Variants in ITGBL1 observed in about 807,000 individuals in gnomAD.
ITGBL1 encodes the protein integrin subunit beta like 1.
Under a neutral mutation model 68.5 loss-of-function variants are expected in ITGBL1, and 51 were observed. That is an observed-to-expected ratio of 0.74 (90% CI 0.59 to 0.94). ITGBL1 has a LOEUF of 0.94. Ranked by LOEUF, ITGBL1 falls within the 40% of genes least tolerant of loss-of-function variation. ITGBL1 has a pLI of 0.00. For synonymous variants in ITGBL1, 209 were observed against 227.3 expected (o/e 0.92, Z 0.72); for missense variants, 649 against 647.4 (o/e 1.00, Z -0.03).
intron 2 of ITGBL1, among the ~76,000 whole-genome samples, chr13:101,478,930 T>C (rs1273058342): frequency 6.6e-6 from 1 of 152,072 alleles, no homozygotes; most frequent in Non-Finnish European, 1.5e-5. Context: ...AAAATACCAA[T>C]GACATTCTTC....
chr13:101,588,017 A>C (rs2050586667), intron 6 of ITGBL1, among the ~76,000 whole-genome samples: 1 of 152,230 alleles, frequency 6.6e-6, no homozygotes, highest in African/African-American at 2.4e-5. Flanking sequence ...TCTGGAATAG[A>C]TGCAACTGCA....
intron 7 of ITGBL1, among the ~76,000 whole-genome samples, chr13:101,620,551 A>G (rs1380316426): frequency 6.6e-6 from 1 of 152,146 alleles, no homozygotes; most frequent in East Asian, 1.9e-4. Context: ...CAGTATTTCT[A>G]GAAGGCATTT....
intron 2 of ITGBL1, among the ~76,000 whole-genome samples, chr13:101,462,541 C>T (rs2048331494): frequency 2.0e-5 from 3 of 152,054 alleles, no homozygotes; most frequent in African/African-American, 7.2e-5. Context: ...CCTTCTTTTC[C>T]GAGGTTATCT....
intron 6 of ITGBL1, among the ~76,000 whole-genome samples, chr13:101,589,861 G>T (rs2050621878): frequency 6.6e-6 from 1 of 152,170 alleles, no homozygotes; most frequent in South Asian, 2.1e-4. Context: ...TCATGATGTT[G>T]CATTAAGTAC....
At chr13:101,607,841 C>G (rs543814185) in intron 7 of ITGBL1, among the ~76,000 whole-genome samples, 96 of 152,100 alleles carry the variant, frequency 6.3e-4, no homozygotes, top group African/African-American at 2.0e-3. Context: ...ATCATCAAAA[C>G]GAATGATTTA....
At chr13:101,519,614 A>G (rs1028403770) in intron 2 of ITGBL1, among the ~76,000 whole-genome samples, 3 of 152,160 alleles carry the variant, frequency 2.0e-5, no homozygotes, top group Admixed American at 6.5e-5. Flanking sequence ...CTTTTTAATA[A>G]TCTGAGTAAA....
chr13:101,468,840 A>C (rs948401035), intron 2 of ITGBL1, among the ~76,000 whole-genome samples: 4 of 152,218 alleles, frequency 2.6e-5, no homozygotes, highest in Non-Finnish European at 5.9e-5. Context: ...GCATTTTCTC[A>C]GCTGTAGTTG....
chr13:101,514,531 G>T, intron 2 of ITGBL1, among the ~76,000 whole-genome samples: 1 of 151,870 alleles, frequency 6.6e-6, no homozygotes, highest in East Asian at 1.9e-4. Flanking sequence ...AATGTCATTT[G>T]TGTAGTGAGA....
At chr13:101,590,665 G>T (rs533021965) in intron 6 of ITGBL1, among the ~76,000 whole-genome samples, 2 of 152,134 alleles carry the variant, frequency 1.3e-5, no homozygotes, top group African/African-American at 4.8e-5. Flanking sequence ...GCAAATGTCA[G>T]CATGTTCTGT....
chr13:101,642,101 T>A (rs2032400920), intron 7 of ITGBL1, among the ~76,000 whole-genome samples: 1 of 151,736 alleles, frequency 6.6e-6, no homozygotes, highest in South Asian at 2.1e-4. Context: ...CTGGGTCAAA[T>A]GGTATTTCTA....
intron 2 of ITGBL1, among the ~76,000 whole-genome samples, chr13:101,566,609 T>A (rs528704104): frequency 6.6e-6 from 1 of 152,176 alleles, no homozygotes; most frequent in Non-Finnish European, 1.5e-5. Context: ...CTGCCAAACA[T>A]GCCCAAATGG....
intron 2 of ITGBL1, among the ~76,000 whole-genome samples, chr13:101,536,029 G>A (rs1314541789): frequency 1.4e-5 from 2 of 146,230 alleles, no homozygotes; most frequent in South Asian, 4.5e-4. Flanking sequence ...GAATATCTGG[G>A]GAAGGTTGGT....
intron 2 of ITGBL1, among the ~76,000 whole-genome samples, chr13:101,477,925 G>A (rs917360559): frequency 6.6e-6 from 1 of 151,810 alleles, no homozygotes; most frequent in Non-Finnish European, 1.5e-5. Flanking sequence ...AAATAATACC[G>A]ATCCTACTTT....
chr13:101,626,924 A>G (rs1449530562), intron 7 of ITGBL1, among the ~76,000 whole-genome samples: 3 of 152,178 alleles, frequency 2.0e-5, no homozygotes, highest in African/African-American at 7.2e-5. Flanking sequence ...AGACACTGGT[A>G]TATCTTAAAA....
intron 7 of ITGBL1, among the ~76,000 whole-genome samples, chr13:101,643,704 G>A (rs578245909): frequency 9.9e-5 from 15 of 152,256 alleles, no homozygotes; most frequent in East Asian, 3.9e-4. Context: ...GTACAGGGGA[G>A]CAATTTGAGA....
chr13:101,666,508 A>G (rs1289262390), intron 7 of ITGBL1, among the ~76,000 whole-genome samples: 1 of 4,502 alleles, frequency 2.2e-4, no homozygotes, highest in Non-Finnish European at 4.0e-4. Context: ...TTTGTGAGGC[A>G]TGTTTTTTTT....
At chr13:101,603,966 G>T (rs568379004) in intron 7 of ITGBL1, among the ~76,000 whole-genome samples, 2 of 151,854 alleles carry the variant, frequency 1.3e-5, no homozygotes, top group Non-Finnish European at 1.5e-5. Flanking sequence ...AACTCCAAAT[G>T]GTTATGTTGC....
chr13:101,681,472 G>C (rs2033639555), intron 7 of ITGBL1, among the ~76,000 whole-genome samples: 1 of 152,138 alleles, frequency 6.6e-6, no homozygotes, highest in Non-Finnish European at 1.5e-5. Context: ...ACTTGGTCCT[G>C]AATAAATAAT....
At position 101,477,917 on chromosome 13, in the gene ITGBL1, A is replaced by G. The variant is rs745894010; in HGVS notation, c.316+23817A>G. Among the ~76,000 whole-genome samples the G allele has an allele frequency of 3.9e-4, 60 of 152,034 alleles. 1 individual carries two copies. The highest frequency in any genetic ancestry group is 1.5e-4 in the Non-Finnish European group (10 of 67,922). On this transcript the variant is annotated intron_variant, in intron 2 of 10. Transcript: ENST00000376180. ...TCAATTTTACAAAACATTTAAAGAA[A>G]TAATACCGATCCTACTTTAACTATT...
Sources: gnomAD v4.1 joint callset for allele counts (sites outside exome capture counted in the v4.1 genomes callset) on GRCh38, gnomAD v4.1.1 for gene constraint, MANE v1.5 for transcripts, NCBI Gene and HGNC (gene_info 2026-07-23, HGNC 2026-07-21) for gene names.